The following CACNA1G variants were observed in gnomAD, a reference collection of about 807,000 sequenced individuals.
CACNA1G encodes the protein voltage-dependent T-type calcium channel subunit alpha-1G.
Under a neutral mutation model 219.4 loss-of-function variants are expected in CACNA1G, and 67 were observed. That is an observed-to-expected ratio of 0.31 (90% confidence interval 0.25 to 0.37). The LOEUF is 0.37. CACNA1G is among the 10% of genes least tolerant of loss of function. The pLI, the probability that CACNA1G is intolerant of heterozygous loss-of-function variation, is 1.00. For missense variants in CACNA1G, 2,380 were observed against 3,231.4 expected (o/e 0.74, Z 6.39); for synonymous variants, 1,296 against 1,345.3 (o/e 0.96, Z 0.80).
chr17:50,572,036 C>T lies in CACNA1G; in HGVS notation c.745C>T (p.Leu249Phe). Residue 249 changes from leucine to phenylalanine, a missense_variant and splice_region_variant, in exon 5 of 38, where the codon CTC becomes TTC. Physicochemically the swap from Leu to Phe is conservative, Grantham distance 22. This residue lies in a region of CACNA1G where 68 missense variants were observed against 85.3 expected (regional missense o/e 0.80). Transcript: ENST00000359106. ...NRCFLPENFS[L>F]PLSVDLERYY... ...ATGCTTCCTACCTGAGAATTTCAGC[C>T]TGTGAGTGGTGGACAGGGTCCAGGG... 6.2e-7 allele frequency: 1 copy of T among 1,613,438 alleles called. No homozygotes were observed. The highest frequency in any genetic ancestry group is 1.1e-5 in the South Asian group (1 of 91,062).
intron 9 of CACNA1G, among the ~76,000 whole-genome samples, chr17:50,585,713 T>A (rs1403781393): frequency 6.6e-6 from 1 of 152,142 alleles, no homozygotes; most frequent in African/African-American, 2.4e-5. Flanking sequence ...ATCTACATGA[T>A]GAGGCCTGTG....
chr17:50,609,661 C>T (rs1027937722), intron 25 of CACNA1G, among the ~76,000 whole-genome samples: 1 of 152,210 alleles, frequency 6.6e-6, no homozygotes, highest in Non-Finnish European at 1.5e-5. Flanking sequence ...CCGGTGCCTC[C>T]CTGCCCCGTG....
At chr17:50,613,705 G>T (rs953652555) in intron 26 of CACNA1G, among the ~76,000 whole-genome samples, 2 of 152,234 alleles carry the variant, frequency 1.3e-5, no homozygotes, top group African/African-American at 2.4e-5. Flanking sequence ...ATGGGATCGG[G>T]TGCTCTCGGC....
In CACNA1G at chr17:50,561,547, G is replaced by A. The variant is rs1425811378; in HGVS notation, c.88G>A (p.Gly30Ser). ...MRLNDLSGAGGRPGPGSAEKD... is the reference protein window; with the variant it reads ...MRLNDLSGAGSRPGPGSAEKD... The stretch of plus-strand genomic sequence containing the variant: ...GCTCAACGACCTGTCGGGGGCCGGG[G>A]GCCGGCCGGGGCCGGGGTCAGCAGA... The change falls in exon 1 of 38, where the codon GGC becomes AGC. Residue 30 changes from glycine to serine, a missense_variant. By Grantham distance (56) the Gly-to-Ser change is moderately conservative. Around this residue, in one of 17 missense-constraint regions of CACNA1G, gnomAD observed 98 missense variants for 85.5 expected, o/e 1.15. Transcript: ENST00000359106. The A allele has an allele frequency of 3.2e-6, 5 of 1,540,008 alleles. No individual in the cohort carries two copies. The highest frequency in any genetic ancestry group is 4.4e-6 in the Non-Finnish European group (5 of 1,146,772).
At chr17:50,591,249 G>A (rs560381802) in intron 10 of CACNA1G, among the ~76,000 whole-genome samples, 186 bp from the exon 11 acceptor site, 1 of 152,304 alleles carries the variant, frequency 6.6e-6, no homozygotes, top group African/African-American at 2.4e-5. Context: ...GGAGGGGGCC[G>A]GGGCTGTCAC....
intron 33 of CACNA1G, 94 bp downstream of exon 33, chr17:50,619,102 C>G (rs2051163015): frequency 1.0e-6 from 1 of 975,690 alleles, no homozygotes; most frequent in African/African-American, 1.6e-5. Context: ...GCACACAAAC[C>G]CTAGGCTCCT....
intron 26 of CACNA1G, among the ~76,000 whole-genome samples, chr17:50,611,399 G>T (rs1205984239): frequency 6.6e-6 from 1 of 152,058 alleles, no homozygotes; most frequent in Non-Finnish European, 1.5e-5. Context: ...CTGCCCTGGG[G>T]ATGTTGGGTG....
At chr17:50,584,381 G>A (rs1034491075) in intron 9 of CACNA1G, among the ~76,000 whole-genome samples, 19 of 151,994 alleles carry the variant, frequency 1.3e-4, no homozygotes, top group African/African-American at 3.9e-4. Flanking sequence ...GCTCAGGGTC[G>A]GGGAAGCCAA....
Position 50,607,831 on chromosome 17 carries a change from T to G in CACNA1G, c.4517T>G (p.Ile1506Ser), listed in dbSNP as rs774984455. The G allele has an allele frequency of 1.9e-6, 3 of 1,613,542 alleles. No homozygotes were observed. The highest frequency in any genetic ancestry group is 2.5e-6 in the Non-Finnish European group (3 of 1,179,784). Reference protein sequence around the residue: ...LDAVGVDQQPIMNHNPWMLLY... With the variant: ...LDAVGVDQQPSMNHNPWMLLY... The stretch of plus-strand genomic sequence containing the variant: ...GTCCTTCCTGCTCCCCGCCAGCCCA[T>G]CATGAACCACAACCCCTGGATGCTG... The change falls in exon 25 of 38, where the codon ATC (isoleucine) becomes AGC (serine). Residue 1506 changes from isoleucine to serine, a missense_variant. Ile to Ser is a moderately radical substitution (Grantham distance 142). Coordinates refer to ENST00000359106, the MANE Select transcript of CACNA1G (RefSeq NM_018896.5).
At chr17:50,595,155 C>T (rs1001054944) in intron 14 of CACNA1G, 94 bp downstream of exon 14, 25 of 903,506 alleles carry the variant, frequency 2.8e-5, no homozygotes, top group African/African-American at 1.1e-4. Context: ...GTTCACGCTC[C>T]GCTGCTGTGC....
chr17:50,624,860 T>C (rs2053272971), intron 37 of CACNA1G, among the ~76,000 whole-genome samples: 1 of 151,646 alleles, frequency 6.6e-6, no homozygotes, highest in South Asian at 2.1e-4. Context: ...TCCCAATTCT[T>C]CTCCCCACTT....
At chr17:50,569,109 A>G in intron 2 of CACNA1G, 56 bp from the exon 3 acceptor site, 2 of 1,593,628 alleles carry the variant, frequency 1.3e-6, no homozygotes, top group Non-Finnish European at 1.7e-6. Context: ...GGGTGGGACT[A>G]GAGGGTATTC....
At chr17:50,573,231 T>A in intron 7 of CACNA1G, 118 bp downstream of exon 7, 1 of 711,988 alleles carries the variant, frequency 1.4e-6, no homozygotes, top group Non-Finnish European at 2.5e-6. Flanking sequence ...ACAAGTCCTG[T>A]AGAGAGGGCA....
chr17:50,573,265 C>G (rs1268522192), intron 7 of CACNA1G, 152 bp downstream of exon 7: 3 of 620,608 alleles, frequency 4.8e-6, no homozygotes, highest in Non-Finnish European at 8.7e-6. Flanking sequence ...AGGAGGGACA[C>G]CAGATGCAGA....
Position 50,626,829 on chromosome 17 carries a change from C to T in CACNA1G, c.*78C>T. 6.3e-7 allele frequency: 1 copy of T among 1,587,138 alleles called. No individual in the cohort carries two copies. ...TCCTCCTCCTGGGCTATATTCCTGACAAAAGTTCCATATAGACACCAAGGA... is the reference window on the plus strand; with the variant it reads ...TCCTCCTCCTGGGCTATATTCCTGATAAAAGTTCCATATAGACACCAAGGA... On this transcript the variant is annotated 3_prime_UTR_variant, in exon 38 of 38. Transcript: ENST00000359106. This position sits in a 1 kb window ranked among gnomAD's most constrained non-coding sequence, Gnocchi z 4.3.
chr17:50,626,613 G>C lies in CACNA1G; in HGVS notation c.6996G>C (p.Arg2332=). Residue 2332 remains arginine (R), a synonymous_variant, in exon 38 of 38, where the codon CGG becomes CGC. Transcript: ENST00000359106. The surrounding 1 kb of genome is among the most constrained non-coding windows in gnomAD (Gnocchi z 4.3). ...RTPPSPGICL[R]RRAPSSDSKD... The stretch of plus-strand genomic sequence containing the variant: ...CGCCCAGCCCTGGTATCTGCCTCCG[G>C]AGGAGGGCTCCGTCCAGCGACTCCA... 1 of 1,612,826 alleles carries C rather than the reference G, an allele frequency of 6.2e-7. No homozygotes were observed. Among genetic ancestry groups the C allele is most frequent in the Non-Finnish European group, 8.5e-7 (1 of 1,179,702 alleles).
At position 50,595,108 on chromosome 17, in the gene CACNA1G, G is replaced by A. The variant is rs373360572; in HGVS notation, c.2979+47G>A. The A allele has an allele frequency of 1.3e-4, 182 of 1,428,502 alleles. 1 individual carries two copies. Among genetic ancestry groups the A allele is most frequent in the African/African-American group, 8.5e-5 (6 of 70,716 alleles). The allele number at this position is 1,428,502 out of a possible 1,614,324, so 88.5% of individuals were successfully genotyped here. A position where few individuals can be genotyped will look rare whatever the true frequency, so the allele number is the denominator to read the frequency against. On this transcript the variant is annotated intron_variant, in intron 14 of 37. Coordinates refer to ENST00000359106, the MANE Select transcript of CACNA1G (RefSeq NM_018896.5). ...GGCATGCCTCCCGTGCCCCATGCCCGTGCCCCTCCACTCCGCCTCCGTGTC... is the reference window on the plus strand; with the variant it reads ...GGCATGCCTCCCGTGCCCCATGCCCATGCCCCTCCACTCCGCCTCCGTGTC...
intron 13 of CACNA1G, 73 bp from the exon 14 acceptor site, chr17:50,594,920 G>A (rs1179905578): frequency 3.5e-6 from 4 of 1,153,294 alleles, no homozygotes; most frequent in East Asian, 2.6e-5. Flanking sequence ...ATCCTCTCTC[G>A]ACACTGCCGA....
intron 25 of CACNA1G, among the ~76,000 whole-genome samples, 152 bp from the exon 26 acceptor site, chr17:50,609,730 G>T (rs936044887): frequency 6.6e-6 from 1 of 152,152 alleles, no homozygotes; most frequent in Non-Finnish European, 1.5e-5. Context: ...CCCCAGCTTC[G>T]GGCTGGACAT....
Sources: gnomAD v4.1 joint callset for allele counts (sites outside exome capture counted in the v4.1 genomes callset) on GRCh38, gnomAD v4.1.1 for gene constraint, gnomAD v4.1.1 regional missense constraint, Gnocchi (gnomAD v3.1) non-coding constraint, MANE v1.5 for transcripts, NCBI Gene and HGNC (gene_info 2026-07-23, HGNC 2026-07-21) for gene names.